HOXA7: variants seen among roughly 807,000 people sequenced by gnomAD.
HOXA7 encodes the protein homeobox A7.
HOXA7 carries 16 observed loss-of-function variants against 16.8 expected under a neutral mutation model. The observed-to-expected ratio is 0.95, with a 90% confidence interval of 0.64 to 1.44. HOXA7 has a LOEUF of 1.44. Ranked by LOEUF, HOXA7 falls within the 40% of genes most tolerant of loss-of-function variation. The pLI is 0.00. For missense variants in HOXA7, 379 were observed against 328.6 expected (o/e 1.15, Z -1.19); for synonymous variants, 169 against 144.3 (o/e 1.17, Z -1.23).
rs1369562153 is a variant in HOXA7, at chr7:27,154,930, T to C, written c.672A>G (p.Glu224=). 2 of 1,610,868 alleles carry C rather than the reference T, an allele frequency of 1.2e-6. No homozygotes were observed. Among genetic ancestry groups the C allele is most frequent in the South Asian group, 1.1e-5 (1 of 90,974 alleles). ...CCCCTCATTCCTCCTCGTCTTCCTC[T>C]TCTTCATCATCGTCCTCCTCGTCGG... The part of the protein sequence containing the change: ...DKADEEDDDE[E]EEDEEE Residue 224 remains glutamate, a synonymous_variant, in exon 2 of 2, where the codon GAA becomes GAG. Transcript: ENST00000242159.
intron 1 of HOXA7, 80 bp from the exon 2 acceptor site, chr7:27,155,302 C>A: frequency 1.5e-6 from 2 of 1,309,770 alleles, no homozygotes; most frequent in Non-Finnish European, 2.2e-6. Context: ...TCCCAGAGCC[C>A]GCACCTTCCT....
chr7:27,156,340 C>A lies in HOXA7; in HGVS notation c.206G>T (p.Gly69Val), dbSNP rs1006250755. 1 of 1,614,108 alleles carries A rather than the reference C, an allele frequency of 6.2e-7. No homozygotes were observed. The highest frequency in any genetic ancestry group is 1.3e-5 in the African/African-American group (1 of 75,082). The change falls in exon 1 of 2, where the codon GGC becomes GTC. Residue 69 changes from glycine (G) to valine (V), a missense_variant. Coordinates refer to ENST00000242159, the MANE Select transcript of HOXA7 (RefSeq NM_006896.4). ...GTAGGCGTCGGCGCCCAGGCCGTAG[C>A]CGGACGCAAAGGGGCTCTGATAAAG... Reference protein sequence around the residue: ...SPLYQSPFASGYGLGADAYGN... With the variant: ...SPLYQSPFASVYGLGADAYGN...
In HOXA7 at chr7:27,156,151, T is replaced by C; in HGVS notation, c.379+16A>G. 1 of 1,487,542 alleles carries C rather than the reference T, an allele frequency of 6.7e-7. No individual in the cohort carries two copies. Among genetic ancestry groups the C allele is most frequent in the Non-Finnish European group, 8.9e-7 (1 of 1,118,844 alleles). 92.1% of individuals were successfully genotyped at this position (1,487,542 alleles called of 1,614,324 possible). A position where few individuals can be genotyped will look rare whatever the true frequency, so the allele number is the denominator to read the frequency against. On this transcript the variant is annotated intron_variant, in intron 1 of 1. Coordinates refer to ENST00000242159, the MANE Select transcript of HOXA7 (RefSeq NM_006896.4). Reference sequence around the variant, plus strand: ...TCCCGCTCCGCCAGCCTGGCCCGCCTAGCGACTGCGCCTACCTGAAGACCG... The same window carrying C: ...TCCCGCTCCGCCAGCCTGGCCCGCCCAGCGACTGCGCCTACCTGAAGACCG...
chr7:27,156,043 C>T, intron 1 of HOXA7, 124 bp downstream of exon 1: 1 of 1,193,754 alleles, frequency 8.4e-7, no homozygotes, highest in Non-Finnish European at 1.1e-6. Context: ...CACGGGGCTA[C>T]CGGCTCGCAA....
rs745678681 is a variant in HOXA7 at position 27,156,485 on chromosome 7, A to T, written c.61T>A (p.Phe21Ile). The T allele has an allele frequency of 6.2e-7, 1 of 1,604,128 alleles. No homozygotes were observed. Among genetic ancestry groups the T allele is most frequent in the Non-Finnish European group, 8.5e-7 (1 of 1,172,966 alleles). Residue 21 changes from phenylalanine (F) to isoleucine (I), a missense_variant, in exon 1 of 2, where the codon TTC becomes ATC. Transcript: ENST00000242159. ...FSKYTAGASL[F>I]QNAEPTSCSF... ...CAAGAAGTCGGCTCGGCATTTTGGA[A>T]CAGAGAAGCCCCCGCCGTATATTTG...
rs1562738252 is a variant in HOXA7, at chr7:27,156,486, CAG to C, written c.58_59del (p.Leu20ValfsTer75). ...AAGAAGTCGGCTCGGCATTTTGGAA[CAG>C]AGAAGCCCCCGCCGTATATTTGCTA... is the stretch of plus-strand genomic sequence containing the variant. Reference protein sequence around the residue: ...LFSKYTAGASLFQNAEPTSCS... With the variant: ...LFSKYTAGASXFQNAEPTSCS... On this transcript the variant is annotated frameshift_variant, in exon 1 of 2. Coordinates refer to ENST00000242159, the MANE Select transcript of HOXA7 (RefSeq NM_006896.4). LOFTEE classifies it high-confidence loss of function. The C allele has an allele frequency of 6.2e-7, 1 of 1,602,298 alleles. No homozygotes were observed. Among genetic ancestry groups the C allele is most frequent in the Non-Finnish European group, 8.5e-7 (1 of 1,171,808 alleles).
At position 27,154,624 on chromosome 7, in the gene HOXA7, A is replaced by T. The variant is rs376410549; in HGVS notation, c.*285T>A. The T allele has an allele frequency of 1.7e-5, 8 of 473,882 alleles. No homozygotes were observed. The highest frequency in any genetic ancestry group is 4.0e-5 in the Admixed American group (1 of 25,256). 29.4% of individuals were successfully genotyped at this position (473,882 alleles called of 1,614,324 possible). ...CTAGGTAGTATTTTGGACGCGCCAG[A>T]GCAGGGCCGGCTGGCCTGGGGTTGG... is the stretch of plus-strand genomic sequence containing the variant. On this transcript the variant is annotated 3_prime_UTR_variant, in exon 2 of 2. Coordinates refer to ENST00000242159, the MANE Select transcript of HOXA7 (RefSeq NM_006896.4).
rs746792177 is a variant in HOXA7, at chr7:27,156,425, C to G, written c.121G>C (p.Gly41Arg). ...GAGGCGAAGGCGCCGGCGCCCGCCCCGTAGCCGCTTCTCTGTGAGTTGGGA... is the reference window on the plus strand; with the variant it reads ...GAGGCGAAGGCGCCGGCGCCCGCCCGGTAGCCGCTTCTCTGTGAGTTGGGA... ...FAPNSQRSGY[G>R]AGAGAFASTV... The change falls in exon 1 of 2, where the codon GGG (glycine) becomes CGG (arginine). Residue 41 changes from glycine to arginine, a missense_variant. Physicochemically the swap from Gly to Arg is moderately radical, Grantham distance 125. Transcript: ENST00000242159. 60 of 1,613,688 alleles carry G rather than the reference C, an allele frequency of 3.7e-5. No individual in the cohort carries two copies. Among genetic ancestry groups the G allele is most frequent in the Middle Eastern group, 3.3e-4 (2 of 6,070 alleles).
Position 27,155,068 on chromosome 7 carries a change from G to T in HOXA7, c.534C>A (p.Phe178Leu). Reference sequence around the variant, plus strand: ...TCTTCCACTTCATGCGGCGGTTCTGGAACCAGATCTTAATCTGGCGCTCGG... The same window carrying T: ...TCTTCCACTTCATGCGGCGGTTCTGTAACCAGATCTTAATCTGGCGCTCGG... Reference protein sequence around the residue: ...CLTERQIKIWFQNRRMKWKKE... With the variant: ...CLTERQIKIWLQNRRMKWKKE... Residue 178 changes from phenylalanine (F) to leucine (L), a missense_variant, in exon 2 of 2, where the codon TTC becomes TTA. Physicochemically the swap from Phe to Leu is conservative, Grantham distance 22. Transcript: ENST00000242159. 6.2e-7 allele frequency: 1 copy of T among 1,614,228 alleles called. No individual in the cohort carries two copies. Among genetic ancestry groups the T allele is most frequent in the Non-Finnish European group, 8.5e-7 (1 of 1,180,038 alleles).
In HOXA7 at chr7:27,156,559, G is replaced by A. The variant is rs1783113781; in HGVS notation, c.-14C>T. 2 of 1,553,876 alleles carry A rather than the reference G, an allele frequency of 1.3e-6. No individual in the cohort carries two copies. Among genetic ancestry groups the A allele is most frequent in the Admixed American group, 1.9e-5 (1 of 52,174 alleles). ...CGAAGAACTCATAATTTTGACCTGT[G>A]ATTTGTTGTCCGGCAGCTTTCAGTG... On this transcript the variant is annotated 5_prime_UTR_variant, in exon 1 of 2. Transcript: ENST00000242159.
intron 1 of HOXA7, 51 bp downstream of exon 1, chr7:27,156,116 C>T: frequency 7.0e-7 from 1 of 1,421,940 alleles, no homozygotes. Context: ...GCTGCGCTCC[C>T]CGCTCCCGGT....
intron 1 of HOXA7, 123 bp from the exon 2 acceptor site, chr7:27,155,345 GC>G: frequency 3.4e-6 from 3 of 888,512 alleles, no homozygotes; most frequent in Non-Finnish European, 5.3e-6. Flanking sequence ...ATCCCCCTCT[GC>G]CCCAGGCCCC....
In HOXA7 at chr7:27,156,368, G is replaced by A; in HGVS notation, c.178C>T (p.Pro60Ser). 1 of 1,614,046 alleles carries A rather than the reference G, an allele frequency of 6.2e-7. No individual in the cohort carries two copies. Among genetic ancestry groups the A allele is most frequent in the Non-Finnish European group, 8.5e-7 (1 of 1,179,928 alleles). ...TVPGLYNVNS[P>S]LYQSPFASGY... ...GACGCAAAGGGGCTCTGATAAAGGG[G>A]GCTGTTGACATTGTATAAGCCCGGA... The change falls in exon 1 of 2, where the codon CCC (proline) becomes TCC (serine). Residue 60 changes from proline (P) to serine (S), a missense_variant. Physicochemically the swap from Pro to Ser is moderately conservative, Grantham distance 74 (BLOSUM62 -1). Coordinates refer to ENST00000242159, the MANE Select transcript of HOXA7 (RefSeq NM_006896.4).
In HOXA7 at chr7:27,156,399, C is replaced by A. The variant is rs758081235; in HGVS notation, c.147G>T (p.Ser49=). Residue 49 remains serine, a synonymous_variant, in exon 1 of 2, where the codon TCG becomes TCT. Transcript: ENST00000242159. ...GYGAGAGAFA[S]TVPGLYNVNS... The stretch of plus-strand genomic sequence containing the variant: ...TGACATTGTATAAGCCCGGAACGGT[C>A]GAGGCGAAGGCGCCGGCGCCCGCCC... The A allele has an allele frequency of 1.2e-6, 2 of 1,613,626 alleles. No homozygotes were observed. The highest frequency in any genetic ancestry group is 1.7e-4 in the Middle Eastern group (1 of 6,000).
In HOXA7 at chr7:27,156,499, G is replaced by C. The variant is rs1379798108; in HGVS notation, c.47C>G (p.Ala16Gly). Reference protein sequence around the residue: ...YVNALFSKYTAGASLFQNAEP... With the variant: ...YVNALFSKYTGGASLFQNAEP... ...GGCATTTTGGAACAGAGAAGCCCCC[G>C]CCGTATATTTGCTAAAAAGCGCGTT... The change falls in exon 1 of 2, where the codon GCG becomes GGG. Residue 16 changes from alanine (A) to glycine (G), a missense_variant. Physicochemically the swap from Ala to Gly is moderately conservative, Grantham distance 60. Coordinates refer to ENST00000242159, the MANE Select transcript of HOXA7 (RefSeq NM_006896.4). The C allele has an allele frequency of 6.3e-7, 1 of 1,588,676 alleles. No homozygotes were observed. The highest frequency in any genetic ancestry group is 1.4e-5 in the African/African-American group (1 of 73,866).
chr7:27,156,594 C>T lies in HOXA7; in HGVS notation c.-49G>A, dbSNP rs374752599. 188 of 1,529,130 alleles carry T rather than the reference C, an allele frequency of 1.2e-4. No homozygotes were observed. Among genetic ancestry groups the T allele is most frequent in the Non-Finnish European group, 1.6e-4 (178 of 1,134,658 alleles). The allele number at this position is 1,529,130 out of a possible 1,614,324, so 94.7% of individuals were successfully genotyped here. On this transcript the variant is annotated 5_prime_UTR_variant, in exon 1 of 2. Transcript: ENST00000242159. ...CCGGCAGCTTTCAGTGTCGGTTTTACGAGGTAGAGTGATATATGATAACAT... is the reference window on the plus strand; with the variant it reads ...CCGGCAGCTTTCAGTGTCGGTTTTATGAGGTAGAGTGATATATGATAACAT...
chr7:27,154,794 T>C lies in HOXA7; in HGVS notation c.*115A>G. The C allele has an allele frequency of 7.0e-7, 1 of 1,431,032 alleles. No individual in the cohort carries two copies. The highest frequency in any genetic ancestry group is 9.2e-7 in the Non-Finnish European group (1 of 1,089,816). 88.6% of individuals were successfully genotyped at this position (1,431,032 alleles called of 1,614,324 possible). On this transcript the variant is annotated 3_prime_UTR_variant, in exon 2 of 2. Coordinates refer to ENST00000242159, the MANE Select transcript of HOXA7 (RefSeq NM_006896.4). ...GGGGACTGGGTTGCTTTTTTGTTTT[T>C]GTTTTTGTTTTTTACATTTTCTTTT...
In HOXA7 at chr7:27,156,324, G is replaced by A. The variant is rs2128066404; in HGVS notation, c.222C>T (p.Ala74=). 6.2e-7 allele frequency: 1 copy of A among 1,614,016 alleles called. No homozygotes were observed. Among genetic ancestry groups the A allele is most frequent in the East Asian group, 2.2e-5 (1 of 44,880 alleles). The stretch of plus-strand genomic sequence containing the variant: ...CGCAGGGCAGGTTGCCGTAGGCGTC[G>A]GCGCCCAGGCCGTAGCCGGACGCAA... ...SPFASGYGLG[A]DAYGNLPCAS... The change falls in exon 1 of 2, where the codon GCC becomes GCT. Residue 74 remains alanine (A), a synonymous_variant. Coordinates refer to ENST00000242159, the MANE Select transcript of HOXA7 (RefSeq NM_006896.4).
chr7:27,156,175 C>A lies in HOXA7; in HGVS notation c.371G>T (p.Arg124Leu). The change falls in exon 1 of 2, where the codon CGG becomes CTG. Residue 124 changes from arginine (R) to leucine (L), a missense_variant. Arg to Leu is a moderately radical substitution (Grantham distance 102, BLOSUM62 -2). Transcript: ENST00000242159. ...EANFRIYPWM[R>L]SSGPDRKRGR... The stretch of plus-strand genomic sequence containing the variant: ...CTAGCGACTGCGCCTACCTGAAGAC[C>A]GCATCCAGGGGTAGATGCGGAAATT... 6.4e-7 allele frequency: 1 copy of A among 1,561,016 alleles called. No homozygotes were observed. The highest frequency in any genetic ancestry group is 2.3e-5 in the East Asian group (1 of 42,692).
Sources: allele counts gnomAD v4.1 joint callset, GRCh38; gene constraint gnomAD v4.1.1; transcripts MANE v1.5; gene names NCBI Gene and HGNC (gene_info 2026-07-23, HGNC 2026-07-21).